Variants in SLC4A10 observed in about 807,000 individuals in gnomAD.
SLC4A10 encodes the protein solute carrier family 4 member 10, also known as sodium-driven chloride bicarbonate exchanger.
SLC4A10 carries 42 observed loss-of-function variants against 137.7 expected under a neutral mutation model. The ratio of observed to expected loss-of-function variants is 0.30; its 90% CI spans 0.24 to 0.39. The LOEUF (loss-of-function observed/expected upper bound fraction) is 0.39, where lower values mean the gene tolerates loss of function less well. Ranked by LOEUF, SLC4A10 falls within the 10% of genes least tolerant of loss-of-function variation. The pLI is 1.00. For synonymous variants in SLC4A10, 474 were observed against 464.1 expected (o/e 1.02, Z -0.27); for missense variants, 925 against 1,355.0 (o/e 0.68, Z 4.98).
Position 161,836,518 on chromosome 2 carries a change from A to AAGAG in SLC4A10, c.278-3259_278-3256dup, listed in dbSNP as rs1333417065. Among the ~76,000 whole-genome samples, 46 of 124,860 alleles carry AAGAG rather than the reference A, an allele frequency of 3.7e-4. 3 individuals carry two copies. The highest frequency in any genetic ancestry group is 3.1e-3 in the East Asian group (12 of 3,906). 81.9% of individuals were successfully genotyped at this position (124,860 alleles called of 152,430 possible). ...GAAAAGGAAGAAAAAGAAAGAAAGA[A>AAGAG]AGAGAGAGAGAGAGAAAGAAAGAAA... On this transcript the variant is annotated intron_variant, in intron 3 of 26. Transcript: ENST00000446997.
At chr2:161,640,565 T>C (rs1045183074) in intron 1 of SLC4A10, among the ~76,000 whole-genome samples, 1 of 152,178 alleles carries the variant, frequency 6.6e-6, no homozygotes, top group Non-Finnish European at 1.5e-5. Flanking sequence ...GCTATCAGTA[T>C]TTCTCTATGA....
At chr2:161,841,518 A>T (rs1411073172) in intron 4 of SLC4A10, among the ~76,000 whole-genome samples, 3 of 152,212 alleles carry the variant, frequency 2.0e-5, no homozygotes, top group Non-Finnish European at 4.4e-5. Context: ...ATTCCATTGG[A>T]TCATGTTAAA....
At chr2:161,942,039 G>A (rs1187495131) in intron 15 of SLC4A10, among the ~76,000 whole-genome samples, 1 of 152,154 alleles carries the variant, frequency 6.6e-6, no homozygotes, top group Non-Finnish European at 1.5e-5. Flanking sequence ...GAAGGCAGAA[G>A]GGAGACTGTT....
Position 161,686,062 on chromosome 2 carries a change from C to T in SLC4A10, c.48+61496C>T, listed in dbSNP as rs1013937580. Reference sequence around the variant, plus strand: ...CAAGGAAAATCAGAAGAGAGAAAATCAGGTAGAAGCTGAGTTGCTTAAAGT... The same window carrying T: ...CAAGGAAAATCAGAAGAGAGAAAATTAGGTAGAAGCTGAGTTGCTTAAAGT... On this transcript the variant is annotated intron_variant, in intron 1 of 26. Transcript: ENST00000446997. Among the ~76,000 whole-genome samples, 7 of 152,166 alleles carry T rather than the reference C, an allele frequency of 4.6e-5. No homozygotes were observed. The East Asian group carries it at 1.4e-3, about 29-fold the overall frequency.
chr2:161,674,447 C>A (rs909181131), intron 1 of SLC4A10, among the ~76,000 whole-genome samples: 2 of 152,158 alleles, frequency 1.3e-5, no homozygotes, highest in South Asian at 4.1e-4. Flanking sequence ...GTAGCTCTTA[C>A]AATTATTTCT....
chr2:161,896,772 AG>A (rs1475537935), intron 11 of SLC4A10, among the ~76,000 whole-genome samples: 12 of 152,158 alleles, frequency 7.9e-5, no homozygotes, highest in Admixed American at 7.9e-4. Context: ...GATCTTTCTT[AG>A]TACTACCTAA....
chr2:161,949,250 A>G lies in SLC4A10; in HGVS notation c.2368A>G (p.Ser790Gly), dbSNP rs201351567. 3.7e-5 allele frequency: 59 copies of G among 1,602,514 alleles called. No individual in the cohort carries two copies. In the African/African-American group the frequency reaches 6.8e-4, roughly 19 times the overall value. The change falls in exon 18 of 27, where the codon AGT (serine) becomes GGT (glycine). Residue 790 changes from serine (S) to glycine (G), a missense_variant. By Grantham distance (56) the Ser-to-Gly change is moderately conservative. Transcript: ENST00000446997. ...CCCATCTCCAAAACTACAAGTACCA[A>G]GTGTTTTCAAGGTACTTACTATCTC... Reference protein sequence around the residue: ...GIPSPKLQVPSVFKPTRDDRG... With the variant: ...GIPSPKLQVPGVFKPTRDDRG...
intron 1 of SLC4A10, chr2:161,708,710 A>T (rs984016081): frequency 7.9e-6 from 12 of 1,526,318 alleles, no homozygotes; most frequent in East Asian, 2.5e-5. Flanking sequence ...AGATGCTGAG[A>T]CATAGAGATG....
chr2:161,924,181 T>C lies in SLC4A10; in HGVS notation c.1997+18294T>C, dbSNP rs568790851. 9.8e-5 allele frequency among the ~76,000 whole-genome samples: 15 copies of C among 152,318 alleles called. No individual in the cohort carries two copies. In the South Asian group the frequency reaches 2.7e-3, roughly 27 times the overall value. On this transcript the variant is annotated intron_variant, in intron 15 of 26. Transcript: ENST00000446997. Reference sequence around the variant, plus strand: ...TTTCTTTCTTCTTTTTTCTTTTTCATTTATCTTCTTTAACTTTTTGTAGTT... The same window carrying C: ...TTTCTTTCTTCTTTTTTCTTTTTCACTTATCTTCTTTAACTTTTTGTAGTT...
At position 161,767,200 on chromosome 2, in the gene SLC4A10, GTGTATATATATATACACATA is replaced by G. The variant is rs1179432264; in HGVS notation, c.49-3771_49-3752del. Among the ~76,000 whole-genome samples the G allele has an allele frequency of 3.8e-3, 363 of 95,682 alleles. 1 individual carries two copies. Among genetic ancestry groups the G allele is most frequent in the Non-Finnish European group, 6.0e-3 (297 of 49,206 alleles). The allele number at this position is 95,682 out of a possible 152,430, so 62.8% of individuals were successfully genotyped here. On this transcript the variant is annotated intron_variant, in intron 1 of 26. Transcript: ENST00000446997. ...TATATGTGTGTGTGTGTGTGTGTGTGTGTATATATATATACACATATATATATATATACACATATATATAT... is the reference window on the plus strand; with the variant it reads ...TATATGTGTGTGTGTGTGTGTGTGTGTATATATATATACACATATATATAT...
intron 2 of SLC4A10, among the ~76,000 whole-genome samples, chr2:161,775,462 G>A (rs2052205078): frequency 6.6e-6 from 1 of 151,874 alleles, no homozygotes; most frequent in Non-Finnish European, 1.5e-5. Flanking sequence ...ATGTTATCCA[G>A]AATTTCACAT....
At chr2:161,775,928 T>C (rs540138352) in intron 2 of SLC4A10, among the ~76,000 whole-genome samples, 97 of 152,024 alleles carry the variant, frequency 6.4e-4, no homozygotes, top group African/African-American at 2.2e-3. Context: ...CTAAAGGTGA[T>C]GTGCTGTAAT....
intron 1 of SLC4A10, among the ~76,000 whole-genome samples, chr2:161,735,010 T>C (rs1359005595): frequency 1.7e-4 from 26 of 151,778 alleles, no homozygotes; most frequent in Admixed American, 1.7e-3. Flanking sequence ...TTGCTTCCCT[T>C]TAAACTTCTG....
At chr2:161,841,637 T>G (rs1448316093) in intron 4 of SLC4A10, among the ~76,000 whole-genome samples, 1 of 152,200 alleles carries the variant, frequency 6.6e-6, no homozygotes, top group African/African-American at 2.4e-5. Context: ...GTTTGATATA[T>G]TTTCAGTGGT....
At chr2:161,797,536 GT>G (rs5835881) in intron 2 of SLC4A10, among the ~76,000 whole-genome samples, 13 of 147,636 alleles carry the variant, frequency 8.8e-5, no homozygotes, top group Admixed American at 2.7e-4. Flanking sequence ...TCGTTAGCCA[GT>G]TTTTTTTTTT....
At chr2:161,642,032 A>G (rs1423390904) in intron 1 of SLC4A10, among the ~76,000 whole-genome samples, 1 of 151,966 alleles carries the variant, frequency 6.6e-6, no homozygotes, top group Admixed American at 6.6e-5. Flanking sequence ...TCATTTCACA[A>G]AATTAATCTT....
In SLC4A10 at chr2:161,783,314, A is replaced by G. The variant is rs1053513659; in HGVS notation, c.130+12260A>G. Among the ~76,000 whole-genome samples the G allele has an allele frequency of 1.6e-4, 25 of 151,968 alleles. 1 individual carries two copies. The highest frequency in any genetic ancestry group is 4.4e-5 in the Non-Finnish European group (3 of 67,916). On this transcript the variant is annotated intron_variant, in intron 2 of 26. Transcript: ENST00000446997. The stretch of plus-strand genomic sequence containing the variant: ...AGATAAAGTCTTTTCCAGACAAACA[A>G]AAACTAAGGAAGTTCATCACCACCA...
chr2:161,891,170 A>G (rs992980831), intron 10 of SLC4A10, among the ~76,000 whole-genome samples: 7 of 152,144 alleles, frequency 4.6e-5, no homozygotes, highest in Admixed American at 2.6e-4. Flanking sequence ...ATCCACTGTT[A>G]GTCTGATGGG....
intron 2 of SLC4A10, among the ~76,000 whole-genome samples, chr2:161,782,028 G>T (rs2053085382): frequency 6.6e-6 from 1 of 152,058 alleles, no homozygotes; most frequent in Non-Finnish European, 1.5e-5. Context: ...AGTGCTAATG[G>T]TGTGGAATTA....
Sources: gnomAD v4.1 joint callset for allele counts (sites outside exome capture counted in the v4.1 genomes callset) on GRCh38, gnomAD v4.1.1 for gene constraint, MANE v1.5 for transcripts, NCBI Gene and HGNC (gene_info 2026-07-23, HGNC 2026-07-21) for gene names.